The following ADAMTSL3 variants were observed in gnomAD, a reference collection of about 807,000 sequenced individuals.
ADAMTSL3 encodes the protein ADAMTS-like protein 3.
ADAMTSL3 carries 128 observed loss-of-function variants against 201.7 expected under a neutral mutation model. The ratio of observed to expected loss-of-function variants is 0.63; its 90% CI spans 0.55 to 0.73. The LOEUF (loss-of-function observed/expected upper bound fraction) is 0.73, where lower values mean the gene tolerates loss of function less well. ADAMTSL3 is among the 30% of genes least tolerant of loss of function. The pLI is 0.00. For synonymous variants in ADAMTSL3, 738 were observed against 748.4 expected (o/e 0.99, Z 0.23); for missense variants, 1,990 against 2,119.6 (o/e 0.94, Z 1.20).
intron 6 of ADAMTSL3, among the ~76,000 whole-genome samples, chr15:83,823,881 T>C (rs1165672747): frequency 6.1e-5 from 7 of 113,864 alleles, no homozygotes; most frequent in Admixed American, 2.0e-4. Context: ...CTCCATTTCC[T>C]TCTTCTTCTT....
At chr15:83,976,734 G>A (rs1427604490) in intron 20 of ADAMTSL3, among the ~76,000 whole-genome samples, 1 of 152,072 alleles carries the variant, frequency 6.6e-6, no homozygotes, top group East Asian at 1.9e-4. Context: ...CGGAGTTCAG[G>A]CAGTAATGGC....
At chr15:83,674,465 C>A (rs898404199) in intron 2 of ADAMTSL3, among the ~76,000 whole-genome samples, 1 of 151,604 alleles carries the variant, frequency 6.6e-6, no homozygotes, top group African/African-American at 2.4e-5. Context: ...CATTTTGTTC[C>A]ATTGATCTAT....
At chr15:83,823,897 T>C (rs2063939978) in intron 6 of ADAMTSL3, among the ~76,000 whole-genome samples, 1 of 16,310 alleles carries the variant, frequency 6.1e-5, no homozygotes, top group Non-Finnish European at 2.0e-4. Flanking sequence ...TTCTTCCTCT[T>C]CTTCTTCTTC....
chr15:83,996,262 GTT>G (rs1434882168), intron 23 of ADAMTSL3, among the ~76,000 whole-genome samples: 1 of 152,086 alleles, frequency 6.6e-6, no homozygotes, highest in African/African-American at 2.4e-5. Context: ...GAACTACAGA[GTT>G]ATACTTTTAA....
intron 4 of ADAMTSL3, among the ~76,000 whole-genome samples, chr15:83,783,921 T>A (rs776045615): frequency 5.3e-5 from 8 of 151,844 alleles, no homozygotes; most frequent in Non-Finnish European, 1.2e-4. Flanking sequence ...CAAAGTTTGA[T>A]CAAGTCCCTT....
chr15:84,006,514 C>A (rs1015041725), intron 23 of ADAMTSL3, among the ~76,000 whole-genome samples: 3 of 152,144 alleles, frequency 2.0e-5, no homozygotes, highest in Non-Finnish European at 2.9e-5. Flanking sequence ...TTTAAAGACA[C>A]CCCCGAGGTG....
intron 2 of ADAMTSL3, among the ~76,000 whole-genome samples, chr15:83,669,541 C>T (rs867713896): frequency 5.9e-5 from 8 of 135,918 alleles, no homozygotes; most frequent in South Asian, 2.5e-4. Flanking sequence ...GATCTCGGCT[C>T]GCTGCAAGCT....
intron 2 of ADAMTSL3, among the ~76,000 whole-genome samples, chr15:83,659,159 A>G (rs2061131244): frequency 1.3e-5 from 2 of 152,342 alleles, no homozygotes; most frequent in South Asian, 4.1e-4. Context: ...TTTCAGAAGA[A>G]TGACTTGATC....
intron 2 of ADAMTSL3, among the ~76,000 whole-genome samples, chr15:83,696,141 G>C (rs1431143202): frequency 2.0e-5 from 3 of 152,176 alleles, no homozygotes; most frequent in Non-Finnish European, 4.4e-5. Flanking sequence ...TGGAAGATAC[G>C]CTTCCTGACT....
In ADAMTSL3 at chr15:83,915,573, A is replaced by G. The variant is rs540907153; in HGVS notation, c.1987+2195A>G. Among the ~76,000 whole-genome samples the G allele has an allele frequency of 2.3e-4, 35 of 152,210 alleles. No individual in the cohort carries two copies. The Middle Eastern group carries it at 0.014, about 59-fold the overall frequency. ...ACAATTTATGCATTTAAAGTATACA[A>G]TGTAGTGGTTTCTAGTTACAAAGTT... On this transcript the variant is annotated intron_variant, in intron 16 of 29. Coordinates refer to ENST00000286744, the MANE Select transcript of ADAMTSL3 (RefSeq NM_207517.3).
intron 26 of ADAMTSL3, among the ~76,000 whole-genome samples, chr15:84,024,608 A>G (rs528581264): frequency 1.3e-5 from 2 of 152,310 alleles, no homozygotes; most frequent in Admixed American, 6.5e-5. Flanking sequence ...CAGTCTCCCA[A>G]CAGCATCTTT....
chr15:84,008,956 T>C (rs753269392), intron 23 of ADAMTSL3, among the ~76,000 whole-genome samples: 18 of 152,178 alleles, frequency 1.2e-4, no homozygotes, highest in Non-Finnish European at 2.1e-4. Flanking sequence ...CATCAAATTT[T>C]GTCTGCTCTA....
intron 5 of ADAMTSL3, among the ~76,000 whole-genome samples, chr15:83,817,190 A>G (rs1376257717): frequency 6.6e-6 from 1 of 152,240 alleles, no homozygotes; most frequent in Non-Finnish European, 1.5e-5. Context: ...TACTTCCAAA[A>G]AGGATTTAAG....
At position 83,843,616 on chromosome 15, in the gene ADAMTSL3, A is replaced by G. The variant is rs552481369; in HGVS notation, c.727+5401A>G. On this transcript the variant is annotated intron_variant, in intron 7 of 29. Transcript: ENST00000286744. ...AAGCCATGTCTCCCCCTGAGTGTGC[A>G]TCACTGGAGCCTGCAGAATCTACGC... 2.6e-5 allele frequency among the ~76,000 whole-genome samples: 4 copies of G among 152,314 alleles called. No homozygotes were observed. The East Asian group carries it at 7.7e-4, about 29-fold the overall frequency.
chr15:83,680,595 CTTCT>C (rs1384026410), intron 2 of ADAMTSL3, among the ~76,000 whole-genome samples: 4 of 150,242 alleles, frequency 2.7e-5, no homozygotes, highest in Non-Finnish European at 4.4e-5. Context: ...TTTCTGTTCC[CTTCT>C]TTAAGAACAT....
At chr15:83,974,972 T>C (rs1329410038) in intron 20 of ADAMTSL3, among the ~76,000 whole-genome samples, 1 of 147,570 alleles carries the variant, frequency 6.8e-6, no homozygotes, top group Non-Finnish European at 1.5e-5. Context: ...GTGGTCTCTC[T>C]CCTTGTACTG....
intron 3 of ADAMTSL3, among the ~76,000 whole-genome samples, chr15:83,735,489 C>G (rs368735229): frequency 9.2e-5 from 14 of 152,260 alleles, no homozygotes; most frequent in African/African-American, 3.1e-4. Context: ...AATGTTGGGT[C>G]TCTTTAATCT....
intron 19 of ADAMTSL3, among the ~76,000 whole-genome samples, chr15:83,967,115 G>A (rs374583808): frequency 9.2e-5 from 14 of 152,260 alleles, no homozygotes; most frequent in South Asian, 2.1e-4. Flanking sequence ...TTGAAAACTG[G>A]CACAGGACAA....
At chr15:83,686,375 C>G (rs1245712189) in intron 2 of ADAMTSL3, among the ~76,000 whole-genome samples, 2 of 152,150 alleles carry the variant, frequency 1.3e-5, no homozygotes, top group South Asian at 2.1e-4. Flanking sequence ...TATAGTCACA[C>G]TTTGAATTAT....
Sources: allele counts gnomAD v4.1 joint callset (sites outside exome capture counted in the v4.1 genomes callset), GRCh38; gene constraint gnomAD v4.1.1; transcripts MANE v1.5; gene names NCBI Gene and HGNC (gene_info 2026-07-23, HGNC 2026-07-21).